Variants in ZDHHC24 observed in about 807,000 individuals in gnomAD.
The protein encoded by ZDHHC24 is zDHHC palmitoyltransferase 24, also known as probable palmitoyltransferase ZDHHC24.
A neutral mutation model predicts 23.2 loss-of-function variants in ZDHHC24; 17 were observed. That is an observed-to-expected ratio of 0.73 (90% confidence interval 0.50 to 1.10). The LOEUF is 1.10. Among genes scored for constraint, ZDHHC24 ranks in the 50% least tolerant of loss-of-function variants. The pLI is 0.00. For missense variants in ZDHHC24, 366 were observed against 393.0 expected, an observed-to-expected ratio of 0.93 and a Z score of 0.58; for synonymous variants, 186 against 194.5, an observed-to-expected ratio of 0.96 and a Z score of 0.36.
chr11:66,539,479 G>T lies in ZDHHC24; in HGVS notation c.*50C>A, dbSNP rs1348776536. On this transcript the variant is annotated 3_prime_UTR_variant, in exon 3 of 3. Transcript: ENST00000310442. The stretch of plus-strand genomic sequence containing the variant: ...CTTCCTTACTGAGTCTAGGTGTGGG[G>T]GCCCCCCTCTCACCCCTTCCTCCCT... 3 of 1,482,066 alleles carry T rather than the reference G, an allele frequency of 2.0e-6. No individual in the cohort carries two copies. Among genetic ancestry groups the T allele is most frequent in the Non-Finnish European group, 2.7e-6 (3 of 1,118,304 alleles). The allele number at this position is 1,482,066 out of a possible 1,614,324, so 91.8% of individuals were successfully genotyped here.
At chr11:66,528,598 G>A (rs917447447) in intron 3 of ZDHHC24, among the ~76,000 whole-genome samples, 2 of 152,150 alleles carry the variant, frequency 1.3e-5, no homozygotes, top group Non-Finnish European at 2.9e-5. Flanking sequence ...TGTGAAAGGT[G>A]TCATTTTGAA....
In ZDHHC24 at chr11:66,543,863, C is replaced by T. The variant is rs533871494; in HGVS notation, c.400G>A (p.Gly134Ser). 1.0e-4 allele frequency: 168 copies of T among 1,613,840 alleles called. 3 individuals carry two copies. The South Asian group carries it at 1.7e-3, about 17-fold the overall frequency. The stretch of plus-strand genomic sequence containing the variant: ...AGGCACAGGAAGGGCCGGTAGTTGC[C>T]GAAGCCCACGCAGCGGCCCAGCAGG... ...CRLLGRCVGFGNYRPFLCLLL... is the reference protein window; with the variant it reads ...CRLLGRCVGFSNYRPFLCLLL... The change falls in exon 2 of 3, where the codon GGC (glycine) becomes AGC (serine). Residue 134 changes from glycine to serine, a missense_variant. Gly to Ser is a moderately conservative substitution (Grantham distance 56, BLOSUM62 0). Coordinates refer to ENST00000310442, the MANE Select transcript of ZDHHC24 (RefSeq NM_207340.3).
At position 66,537,401 on chromosome 11, in the gene ZDHHC24, C is replaced by T. The variant is rs550967647; in HGVS notation, c.*2128G>A. 1.3e-5 allele frequency: 2 copies of T among 152,210 alleles called. No individual in the cohort carries two copies. Among genetic ancestry groups the T allele is most frequent in the East Asian group, 1.9e-4 (1 of 5,182 alleles). 9.4% of individuals were successfully genotyped at this position (152,210 alleles called of 1,614,324 possible). A position where few individuals can be genotyped will look rare whatever the true frequency, so the allele number is the denominator to read the frequency against. ...CGGTCCCCATTGTTGGCCGAAGCCT[C>T]ACCTCACCCTCCATGGTCCTGGTGG... On this transcript the variant is annotated 3_prime_UTR_variant, in exon 3 of 3. Transcript: ENST00000310442.
At chr11:66,540,042 T>A (rs935224355) in intron 2 of ZDHHC24, among the ~76,000 whole-genome samples, 6 of 152,166 alleles carry the variant, frequency 3.9e-5, no homozygotes, top group Non-Finnish European at 7.4e-5. Context: ...CATCACAGAC[T>A]TGGTGAGCAC....
rs200350565 is a variant in ZDHHC24, at chr11:66,523,705, G to A, written c.*22-2239C>T. 41 of 1,610,222 alleles carry A rather than the reference G, an allele frequency of 2.5e-5. No homozygotes were observed. In the East Asian group the frequency reaches 5.3e-4, roughly 21 times the overall value. ...TGTAAGCCCTGAGCCCTCCACAGAC[G>A]CTGGCTGTTCCCTGCCAGGGGAAGA... On this transcript the variant is annotated intron_variant, in intron 4 of 4. Coordinates refer to the ZDHHC24 transcript ENST00000526986.
chr11:66,539,918 T>G, intron 2 of ZDHHC24, 94 bp from the exon 3 acceptor site: 1 of 1,266,188 alleles, frequency 7.9e-7, no homozygotes, highest in Non-Finnish European at 1.1e-6. Context: ...GGCTCATTCC[T>G]CCGCTCAGCA....
chr11:66,528,765 TC>T (rs1856624818), intron 3 of ZDHHC24, among the ~76,000 whole-genome samples: 1 of 151,956 alleles, frequency 6.6e-6, no homozygotes, highest in Admixed American at 6.6e-5. Context: ...GGTCAGGAGT[TC>T]GAGACCAGCC....
rs1189587575 is a variant in ZDHHC24 at position 66,537,834 on chromosome 11, A to C, written c.*1695T>G. ...TCCCAGCTACTTGAGAGGCTGAGGCAGGAGAATGGCGTGAACCCAGAAGGC... is the reference window on the plus strand; with the variant it reads ...TCCCAGCTACTTGAGAGGCTGAGGCCGGAGAATGGCGTGAACCCAGAAGGC... On this transcript the variant is annotated 3_prime_UTR_variant, in exon 3 of 3. Transcript: ENST00000310442. 6.6e-6 allele frequency: 1 copy of C among 151,838 alleles called. No homozygotes were observed. The allele number at this position is 151,838 out of a possible 1,614,324, so 9.4% of individuals were successfully genotyped here.
intron 4 of ZDHHC24, chr11:66,526,816 C>T: frequency 6.2e-7 from 1 of 1,614,214 alleles, no homozygotes; most frequent in Non-Finnish European, 8.5e-7. Context: ...CGGTGAGCCT[C>T]AGACTGGGTC....
At chr11:66,523,203 G>A (rs1189066760) in intron 4 of ZDHHC24, 1 of 616,966 alleles carries the variant, frequency 1.6e-6, no homozygotes, top group South Asian at 1.5e-5. Context: ...GTGAAGGTGG[G>A]CGGAAGACAA....
Position 66,538,357 on chromosome 11 carries a change from A to G in ZDHHC24, c.*1172T>C, listed in dbSNP as rs1857041496. The G allele has an allele frequency of 6.6e-6, 1 of 151,846 alleles. No individual in the cohort carries two copies. Among genetic ancestry groups the G allele is most frequent in the African/African-American group, 2.4e-5 (1 of 41,276 alleles). 9.4% of individuals were successfully genotyped at this position (151,846 alleles called of 1,614,324 possible). A position where few individuals can be genotyped will look rare whatever the true frequency, so the allele number is the denominator to read the frequency against. The stretch of plus-strand genomic sequence containing the variant: ...GGTTGCAGTGAGCCGAGATCACGCC[A>G]TTGCACTCCTGCCTGAGCAACAAGA... On this transcript the variant is annotated 3_prime_UTR_variant, in exon 3 of 3. Coordinates refer to ENST00000310442, the MANE Select transcript of ZDHHC24 (RefSeq NM_207340.3).
chr11:66,530,011 G>C, intron 2 of ZDHHC24: 1 of 1,553,036 alleles, frequency 6.4e-7, no homozygotes, highest in South Asian at 1.2e-5. Context: ...GGATGCGCAG[G>C]AACCCCTCTG....
In ZDHHC24 at chr11:66,543,814, AG is replaced by A. The variant is rs1338827206; in HGVS notation, c.448del (p.Leu150CysfsTer50). On this transcript the variant is annotated frameshift_variant, in exon 2 of 3. Transcript: ENST00000310442. LOFTEE classifies it high-confidence loss of function. ...GCCCAGCAGCACAGAGACGTGGAGC[AG>A]GACGCCGGCGGCATGAAGCAGCAGG... ...LCLLLHAAGV[L>X]LHVSVLLGPA... is the part of the protein sequence containing the mutation. The A allele has an allele frequency of 6.2e-7, 1 of 1,613,580 alleles. No homozygotes were observed. The highest frequency in any genetic ancestry group is 1.1e-5 in the South Asian group (1 of 91,062).
downstream of ZDHHC24, among the ~76,000 whole-genome samples, chr11:66,535,083 G>C (rs1856919883): frequency 1.3e-5 from 2 of 152,114 alleles, no homozygotes; most frequent in Non-Finnish European, 2.9e-5. Context: ...AGTAGAGACA[G>C]GGTTTTACCA....
At chr11:66,540,676 C>G (rs1408556699) in intron 2 of ZDHHC24, among the ~76,000 whole-genome samples, 1 of 149,720 alleles carries the variant, frequency 6.7e-6, no homozygotes, top group Non-Finnish European at 1.5e-5. Flanking sequence ...TGCAGTGAGC[C>G]AAGATTGCGC....
downstream of ZDHHC24, among the ~76,000 whole-genome samples, chr11:66,531,486 C>G (rs373975822): frequency 6.6e-6 from 1 of 152,196 alleles, no homozygotes; most frequent in African/African-American, 2.4e-5. Flanking sequence ...CCATGAGGCC[C>G]TGGGCCATTC....
rs1856209722 is a variant in ZDHHC24, at chr11:66,521,378, T to C, written c.*110A>G. The C allele has an allele frequency of 1.9e-6, 3 of 1,613,078 alleles. No individual in the cohort carries two copies. Among genetic ancestry groups the C allele is most frequent in the Middle Eastern group, 1.6e-4 (1 of 6,074 alleles). ...TGGAAACATCTATATTCTGAGAAGG[T>C]AGCCACATCCGTGGTCTCCGGGGCC... On this transcript the variant is annotated 3_prime_UTR_variant, in exon 5 of 5. Coordinates refer to the ZDHHC24 transcript ENST00000526986.
downstream of ZDHHC24, chr11:66,531,771 G>A (rs1235616801): frequency 6.2e-7 from 1 of 1,613,888 alleles, no homozygotes; most frequent in Non-Finnish European, 8.5e-7. Context: ...CCACGTGGAA[G>A]GTGAGCAGGA....
In ZDHHC24 at chr11:66,521,330, C is replaced by T. The variant is rs778108259; in HGVS notation, c.*158G>A. ...TTCTGGCCAGTTTGATGTTGAGTTC[C>T]GGCTTGCCGCGGCCTGCCGCAATGG... On this transcript the variant is annotated 3_prime_UTR_variant, in exon 5 of 5. Coordinates refer to the ZDHHC24 transcript ENST00000526986. The T allele has an allele frequency of 9.9e-6, 16 of 1,614,102 alleles. No homozygotes were observed. The highest frequency in any genetic ancestry group is 2.2e-5 in the East Asian group (1 of 44,898).
Sources: gnomAD v4.1 joint callset for allele counts (sites outside exome capture counted in the v4.1 genomes callset) on GRCh38, gnomAD v4.1.1 for gene constraint, MANE v1.5 for transcripts, NCBI Gene and HGNC (gene_info 2026-07-23, HGNC 2026-07-21) for gene names.